Variants in DLGAP1 observed in about 807,000 individuals in gnomAD.
DLGAP1 encodes the protein disks large-associated protein 1.
DLGAP1 carries 11 observed loss-of-function variants against 90.8 expected under a neutral mutation model. The ratio of observed to expected loss-of-function variants is 0.12; its 90% confidence interval spans 0.08 to 0.20. The LOEUF (loss-of-function observed/expected upper bound fraction) is 0.20, where lower values mean the gene tolerates loss of function less well. DLGAP1 is among the 10% of genes least tolerant of loss of function. The pLI, the probability that DLGAP1 is intolerant of heterozygous loss-of-function variation, is 1.00. For synonymous variants in DLGAP1, 558 were observed against 540.7 expected, an observed-to-expected ratio of 1.03 and a Z score of -0.44; for missense variants, 1,050 against 1,333.8, an observed-to-expected ratio of 0.79 and a Z score of 3.31.
chr18:3,930,546 C>G (rs939161008), intron 3 of DLGAP1, among the ~76,000 whole-genome samples: 4 of 152,098 alleles, frequency 2.6e-5, no homozygotes, highest in Admixed American at 2.6e-4. Context: ...GGAAGGGTGC[C>G]GGGTCCCAGC....
chr18:3,904,911 T>C (rs143226390), intron 3 of DLGAP1, among the ~76,000 whole-genome samples: 33 of 152,202 alleles, frequency 2.2e-4, no homozygotes, highest in African/African-American at 5.5e-4. Flanking sequence ...GCATAGTAGA[T>C]ACATTTTCTG....
chr18:3,644,473 C>T lies in DLGAP1; in HGVS notation c.1592-62225G>A, dbSNP rs940082901. On this transcript the variant is annotated intron_variant, in intron 7 of 12. Coordinates refer to ENST00000315677, the MANE Select transcript of DLGAP1 (RefSeq NM_004746.4). ...TTGCCCAGGCTGGAGTGTAATGGCG[C>T]GATCTTGGCTCACTGCAACCTCCGC... 2.4e-4 allele frequency among the ~76,000 whole-genome samples: 36 copies of T among 151,852 alleles called. 1 individual carries two copies. Among genetic ancestry groups the T allele is most frequent in the Non-Finnish European group, 4.7e-4 (32 of 67,980 alleles).
chr18:3,672,273 T>A (rs1451116302), intron 7 of DLGAP1, among the ~76,000 whole-genome samples: 1 of 151,796 alleles, frequency 6.6e-6, no homozygotes, highest in Admixed American at 6.6e-5. Context: ...CTTCTACTTA[T>A]CTATTTCTTG....
chr18:4,180,607 A>C (rs79391397), intron 1 of DLGAP1, among the ~76,000 whole-genome samples: 2,268 of 152,258 alleles, frequency 0.015, 56 homozygotes, highest in African/African-American at 0.05. Context: ...TAAATATTAA[A>C]TACAAAAAGT....
chr18:3,974,768 G>A lies in DLGAP1; in HGVS notation c.-73+30348C>T, dbSNP rs114547751. Among the ~76,000 whole-genome samples the A allele has an allele frequency of 7.9e-3, 1,200 of 152,112 alleles. 14 individuals are homozygous for A. Among genetic ancestry groups the A allele is most frequent in the African/African-American group, 0.027 (1,140 of 41,464 alleles). ...AAGAGGACAGTATAAGACTCACACCGATGAGTAGTATTTTACAATTTATAA... is the reference window on the plus strand; with the variant it reads ...AAGAGGACAGTATAAGACTCACACCAATGAGTAGTATTTTACAATTTATAA... On this transcript the variant is annotated intron_variant, in intron 3 of 12. Transcript: ENST00000315677.
rs540885307 is a variant in DLGAP1 at position 4,126,996 on chromosome 18, T to A, written c.-159+24184A>T. Among the ~76,000 whole-genome samples the A allele has an allele frequency of 1.3e-3, 197 of 152,334 alleles. 1 individual carries two copies. Among genetic ancestry groups the A allele is most frequent in the Non-Finnish European group, 2.3e-3 (158 of 68,034 alleles). ...TTCATTTATAGCACTAACCCTTCAG[T>A]TCTGCCTTAAGATCAGATTTGCATA... On this transcript the variant is annotated intron_variant, in intron 2 of 12. Transcript: ENST00000315677.
intron 1 of DLGAP1, among the ~76,000 whole-genome samples, chr18:4,273,863 C>A (rs1413139939): frequency 6.6e-6 from 1 of 151,788 alleles, no homozygotes; most frequent in African/African-American, 2.4e-5. Context: ...AACATTCCTA[C>A]TTTTACTTCT....
At chr18:4,076,941 C>A (rs930957475) in intron 2 of DLGAP1, among the ~76,000 whole-genome samples, 1 of 151,896 alleles carries the variant, frequency 6.6e-6, no homozygotes, top group African/African-American at 2.4e-5. Context: ...TAGTATTTAT[C>A]ACCATTTGTT....
At chr18:4,245,523 A>G (rs2078636068) in intron 1 of DLGAP1, among the ~76,000 whole-genome samples, 1 of 152,206 alleles carries the variant, frequency 6.6e-6, no homozygotes, top group African/African-American at 2.4e-5. Flanking sequence ...CCAATCCCTC[A>G]AAAGTATTAA....
intron 1 of DLGAP1, among the ~76,000 whole-genome samples, chr18:4,181,592 T>C (rs771747112): frequency 2.6e-5 from 4 of 152,184 alleles, no homozygotes; most frequent in African/African-American, 7.2e-5. Context: ...GATCTTTTAA[T>C]AGACTTTCAA....
intron 1 of DLGAP1, chr18:4,248,637 G>C (rs536381873): frequency 6.6e-6 from 1 of 152,340 alleles, no homozygotes; most frequent in East Asian, 1.9e-4. Flanking sequence ...CTCATCTGCC[G>C]CCTAGTCATC....
At chr18:3,593,046 T>G (rs1268517074) in intron 7 of DLGAP1, among the ~76,000 whole-genome samples, 1 of 152,086 alleles carries the variant, frequency 6.6e-6, no homozygotes, top group Non-Finnish European at 1.5e-5. Context: ...CATCTAGAGA[T>G]TCAGTGACAG....
intron 1 of DLGAP1, among the ~76,000 whole-genome samples, chr18:4,435,263 TAGTC>T (rs1371103513): frequency 6.6e-6 from 1 of 152,140 alleles, no homozygotes; most frequent in African/African-American, 2.4e-5. Context: ...GGTAGGCAGT[TAGTC>T]AGTAAAATTT....
At chr18:4,133,124 C>G (rs2076344437) in intron 2 of DLGAP1, among the ~76,000 whole-genome samples, 1 of 152,138 alleles carries the variant, frequency 6.6e-6, no homozygotes, top group Non-Finnish European at 1.5e-5. Context: ...TGAGTAGAGG[C>G]TGCATGAGTG....
At chr18:4,044,293 T>C (rs973749972) in intron 2 of DLGAP1, among the ~76,000 whole-genome samples, 8 of 152,198 alleles carry the variant, frequency 5.3e-5, no homozygotes, top group African/African-American at 1.7e-4. Flanking sequence ...ATGCTGTTTA[T>C]GGCTTCACGT....
At chr18:3,760,514 G>A (rs1009287585) in intron 5 of DLGAP1, among the ~76,000 whole-genome samples, 20 of 152,170 alleles carry the variant, frequency 1.3e-4, no homozygotes, top group African/African-American at 4.8e-4. Flanking sequence ...GGATACAGCA[G>A]GCAGTACAGA....
chr18:3,614,844 T>G (rs538007684), intron 7 of DLGAP1, among the ~76,000 whole-genome samples: 1 of 112,196 alleles, frequency 8.9e-6, no homozygotes, highest in South Asian at 3.6e-4. Context: ...AGTGAAACTC[T>G]GTCTCAAGAA....
chr18:4,045,230 C>G (rs1176060894), intron 2 of DLGAP1, among the ~76,000 whole-genome samples: 1 of 151,810 alleles, frequency 6.6e-6, no homozygotes, highest in African/African-American at 2.4e-5. Flanking sequence ...ATCCATGAAA[C>G]CCTCTTCTAA....
intron 7 of DLGAP1, among the ~76,000 whole-genome samples, chr18:3,609,248 T>A (rs1031872660): frequency 6.6e-6 from 1 of 152,196 alleles, no homozygotes; most frequent in African/African-American, 2.4e-5. Context: ...GGTCTCACTA[T>A]GTTGCCCAGG....
Sources: gnomAD v4.1 joint callset for allele counts (sites outside exome capture counted in the v4.1 genomes callset) on GRCh38, gnomAD v4.1.1 for gene constraint, MANE v1.5 for transcripts, NCBI Gene and HGNC (gene_info 2026-07-23, HGNC 2026-07-21) for gene names.